RBMS3: variants seen among roughly 807,000 people sequenced by gnomAD.
RBMS3 encodes the protein RNA-binding motif, single-stranded-interacting protein 3.
A neutral mutation model predicts 66.8 loss-of-function variants in RBMS3; 27 were observed. The ratio of observed to expected loss-of-function variants is 0.40; its 90% confidence interval spans 0.30 to 0.56. RBMS3 has a LOEUF of 0.56. Ranked by LOEUF, RBMS3 falls within the 20% of genes least tolerant of loss-of-function variation. The probability of loss-of-function intolerance (pLI) is 0.40; values close to 1 mark genes in which losing one functional copy is unlikely to be tolerated. For synonymous variants in RBMS3, 188 were observed against 183.0 expected (o/e 1.03, Z -0.22); for missense variants, 513 against 549.5 (o/e 0.93, Z 0.66).
chr3:29,949,380 G>T (rs779131675), intron 12 of RBMS3, among the ~76,000 whole-genome samples: 6 of 151,724 alleles, frequency 4.0e-5, no homozygotes, highest in Non-Finnish European at 7.4e-5. Flanking sequence ...GCAGACACAA[G>T]CCACGTGCAA....
At chr3:29,319,252 T>C (rs1399432083) in intron 1 of RBMS3, among the ~76,000 whole-genome samples, 1 of 151,806 alleles carries the variant, frequency 6.6e-6, no homozygotes, top group African/African-American at 2.4e-5. Flanking sequence ...CACAAAGCTC[T>C]TCCCTTGCCT....
intron 4 of RBMS3, among the ~76,000 whole-genome samples, chr3:29,592,524 A>T (rs1222541353): frequency 6.6e-6 from 1 of 152,170 alleles, no homozygotes; most frequent in East Asian, 1.9e-4. Context: ...GCTGGAGAGG[A>T]TGTGGAGAAA....
At chr3:29,434,652 C>T (rs1008810343) in intron 1 of RBMS3, 91 bp from the exon 2 acceptor site, 44 of 1,508,498 alleles carry the variant, frequency 2.9e-5, no homozygotes, top group South Asian at 2.1e-4. Context: ...TTGGAGAAGA[C>T]GCATAGCTTA....
chr3:29,930,109 C>CTTTTTTTTTTTTTTTTTTTTTTTTTT (rs775548425), intron 10 of RBMS3, among the ~76,000 whole-genome samples: 10 of 43,570 alleles, frequency 2.3e-4, no homozygotes, highest in Non-Finnish European at 5.2e-4. Context: ...TTCTTTCTTT[C>CTTTTTTTTTTTTTTTTTTTTTTTTTT]TTTTTTTTTT....
intron 1 of RBMS3, among the ~76,000 whole-genome samples, chr3:29,428,398 A>G (rs1298237573): frequency 6.6e-6 from 1 of 152,174 alleles, no homozygotes; most frequent in Non-Finnish European, 1.5e-5. Flanking sequence ...GAGTGGTGCC[A>G]AAGTATGGAA....
At chr3:29,716,462 G>T (rs1403201341) in intron 4 of RBMS3, among the ~76,000 whole-genome samples, 1 of 152,072 alleles carries the variant, frequency 6.6e-6, no homozygotes, top group African/African-American at 2.4e-5. Flanking sequence ...TTAGAAAAAA[G>T]AAGAAAGGAG....
At chr3:29,295,348 TATATATATAC>T (rs1559467433) in intron 1 of RBMS3, among the ~76,000 whole-genome samples, 6 of 144,956 alleles carry the variant, frequency 4.1e-5, no homozygotes, top group Non-Finnish European at 6.0e-5. Flanking sequence ...TATATATACA[TATATATATAC>T]ACACACATAT....
At chr3:29,659,268 ATAGTT>A (rs1482716058) in intron 4 of RBMS3, among the ~76,000 whole-genome samples, 1 of 152,242 alleles carries the variant, frequency 6.6e-6, no homozygotes, top group African/African-American at 2.4e-5. Flanking sequence ...TTTTAAATGT[ATAGTT>A]TAGTGGTATT....
At position 29,903,972 on chromosome 3, in the gene RBMS3, A is replaced by G. The variant is rs1164768394; in HGVS notation, c.939+4217A>G. ...CAGGCTGTTTAAGAAGCCCCAGAAT[A>G]CTTAATTTGGTCATTCTTTGCCCTT... On this transcript the variant is annotated intron_variant, in intron 10 of 14. Coordinates refer to ENST00000383767, the MANE Select transcript of RBMS3 (RefSeq NM_001003793.3). Among the ~76,000 whole-genome samples the G allele has an allele frequency of 2.6e-5, 4 of 151,976 alleles. No individual in the cohort carries two copies. The East Asian group carries it at 5.8e-4, about 22-fold the overall frequency.
At chr3:29,510,232 T>TAG (rs2044344007) in intron 3 of RBMS3, among the ~76,000 whole-genome samples, 2 of 152,234 alleles carry the variant, frequency 1.3e-5, no homozygotes, top group Admixed American at 6.5e-5. Flanking sequence ...AGAGCACTGA[T>TAG]ATCATAGATC....
At chr3:29,784,424 T>C (rs919771106) in intron 6 of RBMS3, among the ~76,000 whole-genome samples, 2 of 152,100 alleles carry the variant, frequency 1.3e-5, no homozygotes, top group African/African-American at 4.8e-5. Context: ...AATCACCTGC[T>C]CCTGAATGAT....
chr3:29,457,860 C>G (rs1432512323), intron 2 of RBMS3, among the ~76,000 whole-genome samples: 2 of 150,506 alleles, frequency 1.3e-5, no homozygotes, highest in African/African-American at 4.9e-5. Context: ...TAAGCCCTCA[C>G]CTCAAATAAC....
intron 7 of RBMS3, among the ~76,000 whole-genome samples, chr3:29,879,745 C>T (rs2059693070): frequency 6.6e-6 from 1 of 151,906 alleles, no homozygotes; most frequent in Non-Finnish European, 1.5e-5. Context: ...TTTGCTGCCC[C>T]CAATTTTTTG....
chr3:29,966,953 G>A (rs1445503290), intron 12 of RBMS3, among the ~76,000 whole-genome samples: 11 of 152,100 alleles, frequency 7.2e-5, no homozygotes, highest in Non-Finnish European at 1.3e-4. Context: ...AGATGACCAC[G>A]ATTTTTGTTT....
At chr3:29,467,552 A>G (rs2042584920) in intron 2 of RBMS3, among the ~76,000 whole-genome samples, 4 of 152,182 alleles carry the variant, frequency 2.6e-5, no homozygotes. Context: ...ATTTTTAAGA[A>G]GCTCAAGGTG....
At chr3:29,611,987 C>T (rs2048507428) in intron 4 of RBMS3, among the ~76,000 whole-genome samples, 1 of 151,930 alleles carries the variant, frequency 6.6e-6, no homozygotes, top group South Asian at 2.1e-4. Flanking sequence ...ATTCCTGGGT[C>T]TCACCCACCG....
chr3:29,521,994 T>G (rs2044878325), intron 3 of RBMS3, among the ~76,000 whole-genome samples: 1 of 152,234 alleles, frequency 6.6e-6, no homozygotes, highest in African/African-American at 2.4e-5. Flanking sequence ...GAATGTTCTT[T>G]ATCTTCATCT....
intron 3 of RBMS3, among the ~76,000 whole-genome samples, chr3:29,504,898 A>C (rs1240249609): frequency 6.6e-6 from 1 of 152,138 alleles, no homozygotes; most frequent in Non-Finnish European, 1.5e-5. Context: ...TCTTTTGAGA[A>C]ATATCTATTC....
At chr3:29,750,500 A>G (rs1296075432) in intron 5 of RBMS3, among the ~76,000 whole-genome samples, 1 of 152,194 alleles carries the variant, frequency 6.6e-6, no homozygotes, top group Admixed American at 6.5e-5. Context: ...AATCTCATAT[A>G]ATTTTGGAAT....
Sources: gnomAD v4.1 joint callset for allele counts (sites outside exome capture counted in the v4.1 genomes callset) on GRCh38, gnomAD v4.1.1 for gene constraint, MANE v1.5 for transcripts, NCBI Gene and HGNC (gene_info 2026-07-23, HGNC 2026-07-21) for gene names.